The following RUVBL1 variants were observed in gnomAD, a reference collection of about 807,000 sequenced individuals.
RUVBL1 encodes RuvB like AAA ATPase 1.
Under a neutral mutation model 52.4 loss-of-function variants are expected in RUVBL1, and 4 were observed. The ratio of observed to expected loss-of-function variants is 0.08; its 90% CI spans 0.04 to 0.17. RUVBL1 has a LOEUF of 0.17. Among genes scored for constraint, RUVBL1 ranks in the 10% least tolerant of loss-of-function variants. RUVBL1 has a pLI of 1.00. For synonymous variants in RUVBL1, 217 were observed against 214.4 expected (o/e 1.01, Z -0.10); for missense variants, 298 against 572.8 (o/e 0.52, Z 4.90).
At chr3:128,123,501 C>A (rs576886900) in intron 1 of RUVBL1, 83 bp downstream of exon 1, 256 of 1,390,410 alleles carry the variant, frequency 1.8e-4, no homozygotes, top group Non-Finnish European at 2.4e-4. Context: ...GCGCGCATCC[C>A]GCCCCGAGCC....
chr3:128,138,992 C>T lies in RUVBL1; in HGVS notation c.-40+14211G>A, dbSNP rs186150027. 2.7e-4 allele frequency among the ~76,000 whole-genome samples: 41 copies of T among 151,920 alleles called. 1 individual carries two copies. In the East Asian group the frequency reaches 6.4e-3, roughly 24 times the overall value. On this transcript the variant is annotated intron_variant, in intron 1 of 9. Coordinates refer to the RUVBL1 transcript ENST00000464873. Reference sequence around the variant, plus strand: ...CTTCAATAAATGGTGGATAGCCATACGAGAGAAAATGAAACTAGACCCCTA... The same window carrying T: ...CTTCAATAAATGGTGGATAGCCATATGAGAGAAAATGAAACTAGACCCCTA...
intron 6 of RUVBL1, 54 bp from the exon 7 acceptor site, chr3:128,098,999 C>G: frequency 6.9e-7 from 1 of 1,450,118 alleles, no homozygotes; most frequent in Non-Finnish European, 9.7e-7. Context: ...ACTACAGAAG[C>G]CTCATCCCCC....
chr3:128,092,570 A>G (rs1942869263), intron 8 of RUVBL1, among the ~76,000 whole-genome samples: 1 of 152,200 alleles, frequency 6.6e-6, no homozygotes, highest in African/African-American at 2.4e-5. Context: ...TCCAAAGACA[A>G]TATACAAATG....
At chr3:128,103,404 C>T (rs1399803651) in intron 4 of RUVBL1, among the ~76,000 whole-genome samples, 2 of 152,138 alleles carry the variant, frequency 1.3e-5, no homozygotes, top group Non-Finnish European at 2.9e-5. Context: ...GAGATATTTG[C>T]AGAGGCAAGT....
At chr3:128,100,774 G>C in intron 5 of RUVBL1, 30 bp from the exon 6 acceptor site, 1 of 1,613,120 alleles carries the variant, frequency 6.2e-7, no homozygotes, top group Non-Finnish European at 8.5e-7. Context: ...TGAGTGCCTG[G>C]TAAGTTTTCA....
chr3:128,132,290 A>G (rs980347721), intron 1 of RUVBL1, among the ~76,000 whole-genome samples: 1 of 152,210 alleles, frequency 6.6e-6, no homozygotes, highest in Non-Finnish European at 1.5e-5. Context: ...GGGGTTCTAC[A>G]GAAACTTGGA....
chr3:128,067,162 T>C lies in RUVBL1; in HGVS notation c.940-1942A>G. The C allele has an allele frequency of 6.2e-7, 1 of 1,613,338 alleles. No individual in the cohort carries two copies. Among genetic ancestry groups the C allele is most frequent in the Non-Finnish European group, 8.5e-7 (1 of 1,179,244 alleles). ...CTGGGCACCTGGTCGGTAAGTAGGCTCTTTGAAGATGAGCTAGCAATGCAG... is the reference window on the plus strand; with the variant it reads ...CTGGGCACCTGGTCGGTAAGTAGGCCCTTTGAAGATGAGCTAGCAATGCAG... On this transcript the variant is annotated intron_variant, in intron 9 of 9. Transcript: ENST00000464873. This position sits in a 1 kb window ranked among gnomAD's most constrained non-coding sequence, Gnocchi z 4.1.
At chr3:128,128,147 G>A (rs1943823579), upstream of RUVBL1, among the ~76,000 whole-genome samples, 1 of 152,076 alleles carries the variant, frequency 6.6e-6, no homozygotes, top group African/African-American at 2.4e-5. Context: ...ACCACACCCA[G>A]CTAATTTTTT....
At chr3:128,136,001 C>G (rs1160430582) in intron 1 of RUVBL1, among the ~76,000 whole-genome samples, 1 of 151,952 alleles carries the variant, frequency 6.6e-6, no homozygotes, top group African/African-American at 2.4e-5. Flanking sequence ...TTAGTTTTCT[C>G]TTTGTTCTTT....
rs532315241 is a variant in RUVBL1 at position 128,147,012 on chromosome 3, G to C, written c.-40+6191C>G. Among the ~76,000 whole-genome samples the C allele has an allele frequency of 3.2e-4, 48 of 152,350 alleles. 1 individual carries two copies. The South Asian group carries it at 9.5e-3, about 30-fold the overall frequency. ...GCAGATGCAGGGAGTCCTAGTAAAA[G>C]AACAGCTTCAGTAAATTAAAACCAT... On this transcript the variant is annotated intron_variant, in intron 1 of 9. Coordinates refer to the RUVBL1 transcript ENST00000464873.
chr3:128,151,120 CTATA>C (rs1275784558), intron 1 of RUVBL1, among the ~76,000 whole-genome samples: 1 of 115,606 alleles, frequency 8.7e-6, no homozygotes, highest in East Asian at 2.3e-4. Flanking sequence ...TGTATATATT[CTATA>C]TATATTCTAT....
Position 128,101,575 on chromosome 3 carries a change from T to C in RUVBL1, c.587A>G (p.Asn196Ser). 1 of 1,614,148 alleles carries C rather than the reference T, an allele frequency of 6.2e-7. No homozygotes were observed. Among genetic ancestry groups the C allele is most frequent in the Non-Finnish European group, 8.5e-7 (1 of 1,180,024 alleles). Reference protein sequence around the residue: ...EAGDVIYIEANSGAVKRQGRC... With the variant: ...EAGDVIYIEASSGAVKRQGRC... ...AGGCATTACCTTCACGGCCCCACTG[T>C]TGGCTTCAATGTAAATCACATCTCC... The change falls in exon 5 of 11, where the codon AAC (asparagine) becomes AGC (serine). Residue 196 changes from asparagine (N) to serine (S), a missense_variant. Around this residue, in one of 5 missense-constraint regions of RUVBL1, gnomAD observed 58 missense variants for 83.2 expected, o/e 0.70. Coordinates refer to ENST00000322623, the MANE Select transcript of RUVBL1 (RefSeq NM_003707.3).
At chr3:128,100,879 C>A in intron 5 of RUVBL1, 135 bp from the exon 6 acceptor site, 1 of 966,532 alleles carries the variant, frequency 1.0e-6, no homozygotes. Flanking sequence ...CCAAATATGC[C>A]CCACTCCCCT....
At chr3:128,088,041 T>C (rs565475807) in intron 8 of RUVBL1, among the ~76,000 whole-genome samples, 2 of 152,144 alleles carry the variant, frequency 1.3e-5, no homozygotes, top group South Asian at 4.2e-4. Flanking sequence ...CTCCCAAAGA[T>C]CACCTGAGGT....
At chr3:128,132,319 G>A (rs1279462041) in intron 1 of RUVBL1, among the ~76,000 whole-genome samples, 1 of 152,170 alleles carries the variant, frequency 6.6e-6, no homozygotes, top group African/African-American at 2.4e-5. Flanking sequence ...TAGGCCACAA[G>A]GACTGCAATT....
At chr3:128,115,391 CATT>C (rs1003391634) in intron 2 of RUVBL1, among the ~76,000 whole-genome samples, 18 of 152,284 alleles carry the variant, frequency 1.2e-4, no homozygotes, top group African/African-American at 4.3e-4. Flanking sequence ...AACCCAAACC[CATT>C]ATTAACAGTG....
chr3:128,153,229 T>G, exon 1 of RUVBL1: 8 of 1,334,296 alleles, frequency 6.0e-6, no homozygotes, highest in Non-Finnish European at 7.6e-6. Flanking sequence ...GCTTCACTTC[T>G]CAGAAGGATC....
At chr3:128,069,661 G>A in intron 9 of RUVBL1, 2 of 1,613,962 alleles carry the variant, frequency 1.2e-6, no homozygotes, top group South Asian at 2.2e-5. Context: ...CTGCTCTTCT[G>A]AGCCCGTCTC....
rs922242688 is a variant in RUVBL1 at position 128,067,844 on chromosome 3, C to G, written c.940-2624G>C. 3 of 760,246 alleles carry G rather than the reference C, an allele frequency of 3.9e-6. No individual in the cohort carries two copies. The African/African-American group carries it at 5.2e-5, about 13-fold the overall frequency. The allele number at this position is 760,246 out of a possible 1,614,324, so 47.1% of individuals were successfully genotyped here. ...AAAGTTAGACTTTTTCATATGACTT[C>G]CTTGCGGCAGTTTTAAAGTTCTCTG... On this transcript the variant is annotated intron_variant, in intron 9 of 9. Transcript: ENST00000464873. The surrounding 1 kb of genome is among the most constrained non-coding windows in gnomAD (Gnocchi z 4.1).
Sources: gnomAD v4.1 joint callset for allele counts (sites outside exome capture counted in the v4.1 genomes callset) on GRCh38, gnomAD v4.1.1 for gene constraint, gnomAD v4.1.1 regional missense constraint, Gnocchi (gnomAD v3.1) non-coding constraint, MANE v1.5 for transcripts, NCBI Gene and HGNC (gene_info 2026-07-23, HGNC 2026-07-21) for gene names.